PREX2: variants seen among roughly 807,000 people sequenced by gnomAD.
PREX2 encodes the protein phosphatidylinositol 3,4,5-trisphosphate-dependent Rac exchanger 2 protein.
PREX2 carries 107 observed loss-of-function variants against 203.2 expected under a neutral mutation model. That is an observed-to-expected ratio of 0.53 (90% CI 0.45 to 0.62). The LOEUF (loss-of-function observed/expected upper bound fraction) is 0.62. Ranked by LOEUF, PREX2 falls within the 20% of genes least tolerant of loss-of-function variation. The pLI is 0.00. For synonymous variants in PREX2, 672 were observed against 663.6 expected (o/e 1.01, Z -0.19); for missense variants, 1,777 against 1,955.9 (o/e 0.91, Z 1.72).
intron 4 of PREX2, among the ~76,000 whole-genome samples, chr8:68,022,963 C>A (rs1308641425): frequency 1.3e-5 from 2 of 152,090 alleles, no homozygotes; most frequent in African/African-American, 4.8e-5. Context: ...TATCCATTTT[C>A]TTTCATTTTA....
rs755576568 is a variant in PREX2 at position 68,072,486 on chromosome 8, C to T, written c.1494-9C>T. The T allele has an allele frequency of 2.7e-6, 4 of 1,499,122 alleles. No individual in the cohort carries two copies. Among genetic ancestry groups the T allele is most frequent in the Admixed American group, 1.8e-5 (1 of 56,916 alleles). The allele number at this position is 1,499,122 out of a possible 1,614,324, so 92.9% of individuals were successfully genotyped here. A position where few individuals can be genotyped will look rare whatever the true frequency, so the allele number is the denominator to read the frequency against. Reference sequence around the variant, plus strand: ...TTTTGTTTGTTTGTTTTTATTTTTTCCTTTATAGAGATAAAGATTACCATT... The same window carrying T: ...TTTTGTTTGTTTGTTTTTATTTTTTTCTTTATAGAGATAAAGATTACCATT... On this transcript the variant is annotated splice_polypyrimidine_tract_variant and intron_variant, in intron 13 of 39. Coordinates refer to ENST00000288368, the MANE Select transcript of PREX2 (RefSeq NM_024870.4).
In PREX2 at chr8:68,083,386, A is replaced by G. The variant is rs766491114; in HGVS notation, c.2025A>G (p.Arg675=). 6.2e-7 allele frequency: 1 copy of G among 1,603,592 alleles called. No individual in the cohort carries two copies. The highest frequency in any genetic ancestry group is 1.7e-5 in the Admixed American group (1 of 58,752). The change falls in exon 18 of 40, where the codon AGA becomes AGG. Residue 675 remains arginine, a splice_region_variant and synonymous_variant. Transcript: ENST00000288368. ...GAGTTCTTGTGAGCACAAAGCCAAG[A>G]GAGTAAGTTGTATGATTTATGTGTG... ...PLRVLVSTKP[R]ETVKIPDSAD...
At chr8:67,993,643 G>C (rs1042083466) in intron 1 of PREX2, among the ~76,000 whole-genome samples, 3 of 151,986 alleles carry the variant, frequency 2.0e-5, no homozygotes, top group African/African-American at 7.2e-5. Flanking sequence ...CCTAACCTCA[G>C]GTGATCTACC....
At chr8:68,120,127 A>T in intron 28 of PREX2, 69 bp from the exon 29 acceptor site, 1 of 1,020,544 alleles carries the variant, frequency 9.8e-7, no homozygotes, top group Non-Finnish European at 1.5e-6. Context: ...ATTTTATAAG[A>T]TTTACTTTTA....
intron 27 of PREX2, 57 bp downstream of exon 27, chr8:68,118,701 C>T: frequency 1.6e-6 from 2 of 1,238,312 alleles, no homozygotes; most frequent in South Asian, 2.4e-5. Flanking sequence ...TAGGAGATAA[C>T]TTTAAGGTTT....
rs187364497 is a variant in PREX2 at position 68,003,401 on chromosome 8, A to G, written c.142-14445A>G. ...TAAATATCTCAGACGGCAAAAGATT[A>G]TTGGAGGTTAAGGGTCTGGGGCCAC... is the stretch of plus-strand genomic sequence containing the variant. On this transcript the variant is annotated intron_variant, in intron 1 of 39. Transcript: ENST00000288368. Among the ~76,000 whole-genome samples the G allele has an allele frequency of 5.3e-5, 8 of 152,254 alleles. No individual in the cohort carries two copies. The East Asian group carries it at 1.5e-3, about 29-fold the overall frequency.
chr8:68,103,454 C>T, intron 23 of PREX2: 3 of 489,270 alleles, frequency 6.1e-6, no homozygotes, highest in South Asian at 3.0e-5. Context: ...CCTGAAGTTG[C>T]ATCTTCAGAA....
intron 11 of PREX2, among the ~76,000 whole-genome samples, chr8:68,061,392 C>T (rs990976756): frequency 2.0e-5 from 3 of 152,298 alleles, no homozygotes; most frequent in Admixed American, 6.5e-5. Context: ...TAAGCAGAGC[C>T]ATGATCAGAA....
intron 1 of PREX2, among the ~76,000 whole-genome samples, chr8:67,985,165 A>ATGT (rs1806381444): frequency 6.6e-6 from 1 of 152,200 alleles, no homozygotes; most frequent in Non-Finnish European, 1.5e-5. Flanking sequence ...TTTCCTAACC[A>ATGT]TGACTTGTTT....
At chr8:68,121,221 A>G (rs1156332699) in intron 30 of PREX2, among the ~76,000 whole-genome samples, 172 bp downstream of exon 30, 2 of 152,194 alleles carry the variant, frequency 1.3e-5, no homozygotes, top group African/African-American at 4.8e-5. Flanking sequence ...GAATAAGATT[A>G]TAGGGTCTTG....
chr8:68,034,095 G>A (rs1207505060), intron 6 of PREX2, among the ~76,000 whole-genome samples: 8 of 152,082 alleles, frequency 5.3e-5, no homozygotes, highest in African/African-American at 1.7e-4. Flanking sequence ...GTTGATTATC[G>A]AAATTAGGTT....
intron 36 of PREX2, 73 bp from the exon 37 acceptor site, chr8:68,192,262 C>A: frequency 8.6e-7 from 1 of 1,161,582 alleles, no homozygotes; most frequent in Non-Finnish European, 1.2e-6. Context: ...TATTCTTTAA[C>A]AGCTATACCA....
chr8:68,015,123 T>G lies in PREX2; in HGVS notation c.142-2723T>G, dbSNP rs112603898. ...ATTTTTGTGACTAGGCTACTAATGC[T>G]TCCTTGATTGATATAAGAAGGATTA... is the stretch of plus-strand genomic sequence containing the variant. On this transcript the variant is annotated intron_variant, in intron 1 of 39. Coordinates refer to ENST00000288368, the MANE Select transcript of PREX2 (RefSeq NM_024870.4). Among the ~76,000 whole-genome samples, 609 of 152,338 alleles carry G rather than the reference T, an allele frequency of 4.0e-3. 6 individuals carry two copies. The highest frequency in any genetic ancestry group is 4.7e-3 in the Non-Finnish European group (318 of 68,040).
chr8:68,094,873 T>C (rs1000890591), intron 21 of PREX2: 1 of 152,264 alleles, frequency 6.6e-6, no homozygotes, highest in African/African-American at 2.4e-5. Flanking sequence ...GCCTGTCACA[T>C]GTCCCAGGCT....
intron 33 of PREX2, among the ~76,000 whole-genome samples, chr8:68,140,088 T>C (rs1811197275): frequency 6.6e-6 from 1 of 152,162 alleles, no homozygotes; most frequent in Admixed American, 6.6e-5. Context: ...GTTGAACAAG[T>C]AGGAGAAGAA....
At chr8:68,055,516 A>C (rs149469657) in intron 9 of PREX2, among the ~76,000 whole-genome samples, 1 of 152,114 alleles carries the variant, frequency 6.6e-6, no homozygotes, top group African/African-American at 2.4e-5. Context: ...TGCGGATCTA[A>C]CTCTGAGCAA....
intron 27 of PREX2, 129 bp from the exon 28 acceptor site, chr8:68,119,303 T>G: frequency 1.6e-6 from 1 of 619,240 alleles, no homozygotes; most frequent in Non-Finnish European, 2.8e-6. Flanking sequence ...TCTCTGAACA[T>G]GAGAACTGTG....
In PREX2 at chr8:67,964,167, G is replaced by A. The variant is rs377059861; in HGVS notation, c.141+11632G>A. 2.0e-4 allele frequency among the ~76,000 whole-genome samples: 31 copies of A among 152,370 alleles called. No individual in the cohort carries two copies. The East Asian group carries it at 2.5e-3, about 12-fold the overall frequency. On this transcript the variant is annotated intron_variant, in intron 1 of 39. Coordinates refer to ENST00000288368, the MANE Select transcript of PREX2 (RefSeq NM_024870.4). ...TTCACATTCCAGCCCTAGGGGGACA[G>A]AGGGTGGGAGACAAAGTGGAGGGCA...
intron 34 of PREX2, among the ~76,000 whole-genome samples, chr8:68,153,088 A>T (rs960995155): frequency 3.9e-5 from 6 of 152,194 alleles, no homozygotes; most frequent in African/African-American, 1.4e-4. Flanking sequence ...TATGTATCAC[A>T]CGGCCATTCT....
Sources: gnomAD v4.1 joint callset for allele counts (sites outside exome capture counted in the v4.1 genomes callset) on GRCh38, gnomAD v4.1.1 for gene constraint, MANE v1.5 for transcripts, NCBI Gene and HGNC (gene_info 2026-07-23, HGNC 2026-07-21) for gene names.